The following ELAVL4 variants were observed in gnomAD, a reference collection of about 807,000 sequenced individuals.
ELAVL4 encodes the protein ELAV like RNA binding protein 4.
Under a neutral mutation model 35.6 loss-of-function variants are expected in ELAVL4, and 1 was observed. That is an observed-to-expected ratio of 0.03 (90% CI 0.01 to 0.13). The LOEUF (loss-of-function observed/expected upper bound fraction) is 0.13, where lower values mean the gene tolerates loss of function less well. ELAVL4 is among the 10% of genes least tolerant of loss of function. The probability of loss-of-function intolerance (pLI) is 1.00; values close to 1 mark genes in which losing one functional copy is unlikely to be tolerated. For missense variants in ELAVL4, 267 were observed against 464.9 expected (o/e 0.57, Z 3.91); for synonymous variants, 156 against 171.0 (o/e 0.91, Z 0.69).
At chr1:50,193,397 T>G (rs554896059) in intron 3 of ELAVL4, among the ~76,000 whole-genome samples, 28 of 150,544 alleles carry the variant, frequency 1.9e-4, no homozygotes, top group African/African-American at 6.6e-4. Context: ...TATTCAAAGA[T>G]TATTATGTGT....
At chr1:50,177,536 A>G (rs1680257585) in intron 3 of ELAVL4, among the ~76,000 whole-genome samples, 1 of 152,258 alleles carries the variant, frequency 6.6e-6, no homozygotes, top group African/African-American at 2.4e-5. Context: ...TGTTCCAGGC[A>G]GAGGAAACAG....
intron 1 of ELAVL4, among the ~76,000 whole-genome samples, chr1:50,094,902 C>G (rs1221045363): frequency 6.6e-6 from 1 of 151,884 alleles, no homozygotes; most frequent in Non-Finnish European, 1.5e-5. Flanking sequence ...TGCACTCTAT[C>G]CTGGGCGACG....
chr1:50,109,816 TG>T, intron 1 of ELAVL4: 1 of 1,213,282 alleles, frequency 8.2e-7, no homozygotes, highest in Non-Finnish European at 1.2e-6. Flanking sequence ...TAGCAGTGCC[TG>T]GCGTGTTGAG....
chr1:50,088,969 G>A (rs1665372794), intron 1 of ELAVL4, among the ~76,000 whole-genome samples: 1 of 152,170 alleles, frequency 6.6e-6, no homozygotes, highest in Non-Finnish European at 1.5e-5. Context: ...GCTGAGTCTA[G>A]CAATAGCCCC....
chr1:50,126,333 C>T (rs1669909657), intron 1 of ELAVL4, among the ~76,000 whole-genome samples: 1 of 152,114 alleles, frequency 6.6e-6, no homozygotes, highest in Admixed American at 6.6e-5. Context: ...TTTTAGAGGC[C>T]TGGGGCTCTG....
chr1:50,190,509 A>G (rs1159507168), intron 3 of ELAVL4, among the ~76,000 whole-genome samples: 2 of 152,188 alleles, frequency 1.3e-5, no homozygotes, highest in Admixed American at 1.3e-4. Flanking sequence ...AGAACAATAG[A>G]CTTAAGGTTC....
intron 1 of ELAVL4, among the ~76,000 whole-genome samples, chr1:50,112,078 C>A (rs1667164849): frequency 6.6e-6 from 1 of 152,032 alleles, no homozygotes; most frequent in Admixed American, 6.6e-5. Context: ...CAAATCCCCC[C>A]AATTCTTTTT....
At chr1:50,143,561 TC>T (rs775875904) in intron 1 of ELAVL4, among the ~76,000 whole-genome samples, 1 of 152,188 alleles carries the variant, frequency 6.6e-6, no homozygotes, top group Non-Finnish European at 1.5e-5. Context: ...GTGGCATTGT[TC>T]CCATTTTTCA....
chr1:50,161,039 T>C (rs746003493), intron 2 of ELAVL4, among the ~76,000 whole-genome samples: 20 of 152,306 alleles, frequency 1.3e-4, no homozygotes, highest in Admixed American at 2.6e-4. Context: ...AACCTGATAA[T>C]TTTTTCTATC....
At chr1:50,195,471 C>T (rs541808990) in intron 4 of ELAVL4, 90 bp from the exon 5 acceptor site, 2 of 1,452,582 alleles carry the variant, frequency 1.4e-6, no homozygotes, top group South Asian at 2.4e-5. Flanking sequence ...GCTTACTCCT[C>T]ACACAATATC....
In ELAVL4 at chr1:50,097,944, T is replaced by A. The variant is rs191864180; in HGVS notation, c.19-47013T>A. 1.7e-3 allele frequency among the ~76,000 whole-genome samples: 261 copies of A among 152,290 alleles called. No individual in the cohort carries two copies. In the Middle Eastern group the frequency reaches 0.027, roughly 16 times the overall value. ...TGCTAACAAATAATAAAGAAAAAAT[T>A]TCAAGCAGGAGTTTTTACATTACTT... On this transcript the variant is annotated intron_variant, in intron 1 of 6. Transcript: ENST00000448907.
At chr1:50,065,389 G>A (rs750078874) in intron 1 of ELAVL4, among the ~76,000 whole-genome samples, 20 of 152,166 alleles carry the variant, frequency 1.3e-4, no homozygotes, top group Non-Finnish European at 2.8e-4. Context: ...CTGCTCTGAG[G>A]TTGGACTGCC....
At chr1:50,121,110 T>TG (rs1668958305) in intron 1 of ELAVL4, among the ~76,000 whole-genome samples, 1 of 152,032 alleles carries the variant, frequency 6.6e-6, no homozygotes, top group Non-Finnish European at 1.5e-5. Context: ...TGGCTTTTGT[T>TG]GGGGGTTTTG....
At chr1:50,095,034 T>A (rs917134160) in intron 1 of ELAVL4, among the ~76,000 whole-genome samples, 1 of 152,196 alleles carries the variant, frequency 6.6e-6, no homozygotes, top group African/African-American at 2.4e-5. Context: ...TTATCCTGTA[T>A]GCTTGGGAGG....
intron 1 of ELAVL4, among the ~76,000 whole-genome samples, chr1:50,056,958 T>C (rs967075432): frequency 6.6e-6 from 1 of 151,876 alleles, no homozygotes; most frequent in Non-Finnish European, 1.5e-5. Context: ...CACCTACTTA[T>C]TTTAAAAAAT....
intron 1 of ELAVL4, among the ~76,000 whole-genome samples, chr1:50,098,135 C>A (rs1304733170): frequency 2.6e-5 from 4 of 152,086 alleles, no homozygotes; most frequent in Admixed American, 2.0e-4. Flanking sequence ...ATGGAAAAAT[C>A]ATCAATGTGA....
chr1:50,118,979 AGG>A (rs1668462019), intron 1 of ELAVL4, among the ~76,000 whole-genome samples: 2 of 135,186 alleles, frequency 1.5e-5, no homozygotes, highest in African/African-American at 2.7e-5. Flanking sequence ...GGAGGGAGGG[AGG>A]GAGAGAGAGA....
At chr1:50,126,593 A>G (rs955004131) in intron 1 of ELAVL4, among the ~76,000 whole-genome samples, 1 of 152,134 alleles carries the variant, frequency 6.6e-6, no homozygotes, top group Admixed American at 6.5e-5. Flanking sequence ...ACCTTTATGT[A>G]TTGTATCTCC....
At chr1:50,118,810 C>A (rs1668394820) in intron 1 of ELAVL4, among the ~76,000 whole-genome samples, 1 of 151,854 alleles carries the variant, frequency 6.6e-6, no homozygotes, top group South Asian at 2.1e-4. Flanking sequence ...TTGAATTCTA[C>A]TTCATATGCT....
Sources: allele counts gnomAD v4.1 joint callset (sites outside exome capture counted in the v4.1 genomes callset), GRCh38; gene constraint gnomAD v4.1.1; transcripts MANE v1.5; gene names NCBI Gene and HGNC (gene_info 2026-07-23, HGNC 2026-07-21).